SDK2: variants seen among roughly 807,000 people sequenced by gnomAD.
SDK2 encodes protein sidekick-2.
Under a neutral mutation model 253.9 loss-of-function variants are expected in SDK2, and 105 were observed. The ratio of observed to expected loss-of-function variants is 0.41; its 90% CI spans 0.35 to 0.49. The LOEUF (loss-of-function observed/expected upper bound fraction) is 0.49, where lower values mean the gene tolerates loss of function less well. Among genes scored for constraint, SDK2 ranks in the 20% least tolerant of loss-of-function variants. SDK2 has a pLI of 0.06. For synonymous variants in SDK2, 1,249 were observed against 1,234.9 expected (o/e 1.01, Z -0.24); for missense variants, 2,608 against 3,003.0 (o/e 0.87, Z 3.07).
intron 1 of SDK2, among the ~76,000 whole-genome samples, chr17:73,608,016 G>C (rs942834709): frequency 1.3e-5 from 2 of 151,936 alleles, no homozygotes; most frequent in African/African-American, 4.8e-5. Flanking sequence ...AAAGAATGTG[G>C]GTCCATGACC....
In SDK2 at chr17:73,566,319, ATGTGTGTGTGTGTGTGTGTG is replaced by A. The variant is rs55940592; in HGVS notation, c.65-58742_65-58723del. Among the ~76,000 whole-genome samples, 8 of 139,416 alleles carry A rather than the reference ATGTGTGTGTGTGTGTGTGTG, an allele frequency of 5.7e-5. No individual in the cohort carries two copies. In the East Asian group the frequency reaches 1.6e-3, roughly 28 times the overall value. 91.5% of individuals were successfully genotyped at this position (139,416 alleles called of 152,430 possible). A position where few individuals can be genotyped will look rare whatever the true frequency, so the allele number is the denominator to read the frequency against. On this transcript the variant is annotated intron_variant, in intron 1 of 44. Coordinates refer to ENST00000392650, the MANE Select transcript of SDK2 (RefSeq NM_001144952.2). ...AGCCAAATAAAATTCTTATATATAT[ATGTGTGTGTGTGTGTGTGTG>A]TGTGTGTGTGTGTGTGTTACCCAGT...
intron 1 of SDK2, among the ~76,000 whole-genome samples, chr17:73,640,064 A>C (rs1164085283): frequency 1.3e-5 from 2 of 152,190 alleles, no homozygotes; most frequent in African/African-American, 4.8e-5. Context: ...TATGCAGGTT[A>C]ACACTTCATT....
At chr17:73,475,077 A>G (rs898715615) in intron 2 of SDK2, among the ~76,000 whole-genome samples, 2 of 152,144 alleles carry the variant, frequency 1.3e-5, no homozygotes, top group Admixed American at 1.3e-4. Flanking sequence ...AGCCTTTGGG[A>G]AAAAGTCTAT....
At chr17:73,449,431 C>T (rs1310829288) in intron 4 of SDK2, among the ~76,000 whole-genome samples, 1 of 152,074 alleles carries the variant, frequency 6.6e-6, no homozygotes, top group Admixed American at 6.6e-5. Context: ...CCCACTAATG[C>T]TTCTCCAGCC....
chr17:73,505,199 A>G (rs186246744), intron 2 of SDK2, among the ~76,000 whole-genome samples: 70 of 152,350 alleles, frequency 4.6e-4, no homozygotes, highest in African/African-American at 1.6e-3. Context: ...AATTGCAGCA[A>G]TCCTTCTTCA....
At position 73,465,466 on chromosome 17, in the gene SDK2, G is replaced by A. The variant is rs530770761; in HGVS notation, c.331+6646C>T. On this transcript the variant is annotated intron_variant, in intron 3 of 44. Coordinates refer to ENST00000392650, the MANE Select transcript of SDK2 (RefSeq NM_001144952.2). The surrounding 1 kb of genome is among the most constrained non-coding windows in gnomAD (Gnocchi z 4.2). ...GGTGAAACGCTGGCTGTGGTGAAAC[G>A]CTGGCTCGAGGTCCTCTGCCACCTC... Among the ~76,000 whole-genome samples, 5 of 152,210 alleles carry A rather than the reference G, an allele frequency of 3.3e-5. No individual in the cohort carries two copies. The highest frequency in any genetic ancestry group is 1.9e-4 in the East Asian group (1 of 5,150).
chr17:73,606,288 C>G (rs766096718), intron 1 of SDK2, among the ~76,000 whole-genome samples: 1 of 152,044 alleles, frequency 6.6e-6, no homozygotes, highest in Non-Finnish European at 1.5e-5. Flanking sequence ...TGGGCAGGAG[C>G]TCCCTGGGGA....
intron 22 of SDK2, 27 bp from the exon 23 acceptor site, chr17:73,398,456 G>A: frequency 6.3e-7 from 1 of 1,595,108 alleles, no homozygotes; most frequent in Non-Finnish European, 8.6e-7. Context: ...TCTTAGGCCT[G>A]TCCAGCCTAC....
chr17:73,388,171 C>A, intron 29 of SDK2, 134 bp from the exon 30 acceptor site: 1 of 661,134 alleles, frequency 1.5e-6, no homozygotes, highest in South Asian at 1.8e-5. Flanking sequence ...ATTCCATGCA[C>A]GCAGGATCCT....
At chr17:73,544,059 G>A (rs1234763708) in intron 1 of SDK2, among the ~76,000 whole-genome samples, 1 of 152,250 alleles carries the variant, frequency 6.6e-6, no homozygotes, top group Non-Finnish European at 1.5e-5. Context: ...TGGGACACAG[G>A]AGATAGTTTC....
chr17:73,408,821 C>G (rs952619803), intron 18 of SDK2, among the ~76,000 whole-genome samples: 45 of 152,192 alleles, frequency 3.0e-4, no homozygotes, highest in African/African-American at 9.9e-4. Flanking sequence ...TCATTTAGAT[C>G]CTGAAGCAAA....
chr17:73,501,139 C>G (rs2063887775), intron 2 of SDK2, among the ~76,000 whole-genome samples: 1 of 152,196 alleles, frequency 6.6e-6, no homozygotes, highest in South Asian at 2.1e-4. Context: ...GAGTTGCACA[C>G]ACACCTTCCT....
At chr17:73,563,860 C>T (rs965980403) in intron 1 of SDK2, among the ~76,000 whole-genome samples, 3 of 151,886 alleles carry the variant, frequency 2.0e-5, no homozygotes, top group African/African-American at 4.8e-5. Context: ...GCAGCCTTAA[C>T]GTTCCCAACT....
At position 73,384,056 on chromosome 17, in the gene SDK2, C is replaced by A. The variant is rs76207297; in HGVS notation, c.4570-45G>T. The A allele has an allele frequency of 4.1e-3, 6,530 of 1,584,330 alleles. 180 individuals carry two copies. In the East Asian group the frequency reaches 0.079, roughly 19 times the overall value. ...CATGGGGAGGGCACCTGGACCACCACCCACCCCTCCCCACGCTCTCTCATC... is the reference window on the plus strand; with the variant it reads ...CATGGGGAGGGCACCTGGACCACCAACCACCCCTCCCCACGCTCTCTCATC... On this transcript the variant is annotated intron_variant, in intron 32 of 44. Transcript: ENST00000392650.
At chr17:73,427,628 T>G (rs1423455761) in intron 12 of SDK2, among the ~76,000 whole-genome samples, 12 of 124,534 alleles carry the variant, frequency 9.6e-5, no homozygotes. Context: ...CTGGAAAACC[T>G]TGACATCCAC....
intron 1 of SDK2, among the ~76,000 whole-genome samples, chr17:73,635,111 G>C (rs575779527): frequency 6.6e-6 from 1 of 151,760 alleles, no homozygotes; most frequent in Non-Finnish European, 1.5e-5. Flanking sequence ...TCAGCCTCTC[G>C]AGTAGCTGGA....
chr17:73,537,418 C>T (rs553179534), intron 1 of SDK2, among the ~76,000 whole-genome samples: 1 of 152,308 alleles, frequency 6.6e-6, no homozygotes, highest in South Asian at 2.1e-4. Context: ...CCTTCGATTC[C>T]CACTTTGTTC....
At chr17:73,492,532 C>T (rs557884761) in intron 2 of SDK2, among the ~76,000 whole-genome samples, 98 of 152,282 alleles carry the variant, frequency 6.4e-4, no homozygotes, top group African/African-American at 2.1e-3. Flanking sequence ...GTGCCTGGAA[C>T]CCCCTCCTAT....
intron 1 of SDK2, among the ~76,000 whole-genome samples, chr17:73,638,936 A>C (rs1217197219): frequency 6.6e-6 from 1 of 151,382 alleles, no homozygotes; most frequent in East Asian, 2.0e-4. Flanking sequence ...CAGTCTCCCA[A>C]GTAGTTTGGA....
Sources: allele counts gnomAD v4.1 joint callset (sites outside exome capture counted in the v4.1 genomes callset), GRCh38; gene constraint gnomAD v4.1.1; non-coding constraint Gnocchi (gnomAD v3.1); transcripts MANE v1.5; gene names NCBI Gene and HGNC (gene_info 2026-07-23, HGNC 2026-07-21).